The following CALN1 variants were observed in gnomAD, a reference collection of about 807,000 sequenced individuals.
CALN1 encodes calcium-binding protein 8.
In CALN1, 17 loss-of-function variants were observed where a neutral mutation model predicts 30.6. That is an observed-to-expected ratio of 0.56 (90% CI 0.38 to 0.83). CALN1 has a LOEUF of 0.83. CALN1 is among the 40% of genes least tolerant of loss of function. The pLI is 0.00. For missense variants in CALN1, 291 were observed against 354.9 expected (o/e 0.82, Z 1.45); for synonymous variants, 156 against 131.4 (o/e 1.19, Z -1.28).
At chr7:71,963,755 TTATTC>T (rs1422299526) in intron 5 of CALN1, among the ~76,000 whole-genome samples, 1 of 152,194 alleles carries the variant, frequency 6.6e-6, no homozygotes, top group East Asian at 1.9e-4. Flanking sequence ...TTATTAGCAC[TTATTC>T]TATATTTTAA....
At chr7:72,402,099 ATT>A (rs1397840072) in intron 2 of CALN1, among the ~76,000 whole-genome samples, 5 of 152,120 alleles carry the variant, frequency 3.3e-5, no homozygotes, top group African/African-American at 1.2e-4. Flanking sequence ...GCCCTTCAGC[ATT>A]TGTCATTTCC....
At position 72,119,324 on chromosome 7, in the gene CALN1, A is replaced by C. The variant is rs1462301330; in HGVS notation, c.245-13030T>G. Among the ~76,000 whole-genome samples the C allele has an allele frequency of 2.0e-5, 3 of 151,290 alleles. No homozygotes were observed. The East Asian group carries it at 6.0e-4, about 30-fold the overall frequency. On this transcript the variant is annotated intron_variant, in intron 3 of 6. Transcript: ENST00000395275. ...GAGAAGAGAGAGGACTTATGCAGGGAAACTCTCCATTTAAAAACTGTCAGA... is the reference window on the plus strand; with the variant it reads ...GAGAAGAGAGAGGACTTATGCAGGGCAACTCTCCATTTAAAAACTGTCAGA...
At chr7:71,795,010 C>T (rs1297049793) in intron 6 of CALN1, among the ~76,000 whole-genome samples, 1 of 137,452 alleles carries the variant, frequency 7.3e-6, no homozygotes, top group East Asian at 2.2e-4. Flanking sequence ...TCTGATCTTG[C>T]CTATTTTTTT....
intron 2 of CALN1, among the ~76,000 whole-genome samples, chr7:72,294,830 C>G (rs1357811361): frequency 1.3e-5 from 2 of 151,820 alleles, no homozygotes; most frequent in East Asian, 3.8e-4. Context: ...CTATAAGCCT[C>G]TGATAAATTA....
chr7:72,340,521 C>T (rs1004242205), intron 2 of CALN1, among the ~76,000 whole-genome samples: 9 of 152,318 alleles, frequency 5.9e-5, no homozygotes, highest in African/African-American at 2.2e-4. Flanking sequence ...TAAGCATGAG[C>T]TGCCTGATTC....
chr7:72,256,039 T>A (rs918814467), intron 3 of CALN1, among the ~76,000 whole-genome samples: 1 of 152,218 alleles, frequency 6.6e-6, no homozygotes, highest in Non-Finnish European at 1.5e-5. Context: ...AAATAAATAT[T>A]CTTTAAGGAG....
intron 3 of CALN1, among the ~76,000 whole-genome samples, chr7:72,198,928 C>G (rs1364257229): frequency 2.6e-5 from 4 of 152,142 alleles, no homozygotes; most frequent in Non-Finnish European, 5.9e-5. Flanking sequence ...CTCAAAGGCA[C>G]CCTTAAGAAA....
At chr7:72,077,169 C>A (rs1008183927) in intron 4 of CALN1, among the ~76,000 whole-genome samples, 1 of 152,084 alleles carries the variant, frequency 6.6e-6, no homozygotes, top group Non-Finnish European at 1.5e-5. Context: ...GGACTCCATA[C>A]GTATTTGCAA....
upstream of CALN1, among the ~76,000 whole-genome samples, chr7:72,449,097 C>T (rs1808606977): frequency 6.6e-6 from 1 of 152,090 alleles, no homozygotes; most frequent in Non-Finnish European, 1.5e-5. Context: ...ATGCATTTGA[C>T]CCCCTTCCCC....
intron 5 of CALN1, among the ~76,000 whole-genome samples, chr7:71,894,885 C>T (rs1021159390): frequency 2.0e-5 from 3 of 152,162 alleles, no homozygotes; most frequent in Non-Finnish European, 2.9e-5. Context: ...AATGAAGTTT[C>T]CATATTTCTG....
At chr7:71,827,157 G>A (rs1485135233) in intron 5 of CALN1, among the ~76,000 whole-genome samples, 7 of 152,194 alleles carry the variant, frequency 4.6e-5, no homozygotes, top group Admixed American at 3.9e-4. Context: ...TTTCAACTTG[G>A]CGTGTCACTT....
chr7:72,091,013 C>G (rs1434494969), intron 4 of CALN1, among the ~76,000 whole-genome samples: 1 of 152,036 alleles, frequency 6.6e-6, no homozygotes, highest in Non-Finnish European at 1.5e-5. Flanking sequence ...TTCAGGAGCA[C>G]AATAGGGTGA....
At chr7:72,402,073 TCCTTGCTCTG>T (rs1355702565) in intron 2 of CALN1, among the ~76,000 whole-genome samples, 2 of 152,212 alleles carry the variant, frequency 1.3e-5, no homozygotes, top group African/African-American at 4.8e-5. Context: ...TCCTTGCTCT[TCCTTGCTCTG>T]AGCCTGCCCT....
chr7:72,106,601 A>G (rs930357422), intron 3 of CALN1, among the ~76,000 whole-genome samples: 30 of 144,388 alleles, frequency 2.1e-4, no homozygotes, highest in Non-Finnish European at 3.0e-5. Context: ...AGTGGAAGAG[A>G]GGAATGAAGG....
At chr7:72,195,295 G>C (rs1323307018) in intron 3 of CALN1, among the ~76,000 whole-genome samples, 2 of 152,200 alleles carry the variant, frequency 1.3e-5, no homozygotes, top group African/African-American at 4.8e-5. Flanking sequence ...ACAGGTATGG[G>C]CTTCCATTAT....
intron 2 of CALN1, among the ~76,000 whole-genome samples, chr7:72,397,342 G>GACAA (rs909257276): frequency 1.7e-4 from 26 of 152,312 alleles, no homozygotes; most frequent in African/African-American, 6.0e-4. Flanking sequence ...TCTAGAAGAT[G>GACAA]ACAAGATCAA....
At chr7:72,103,768 G>C (rs1022899358) in intron 4 of CALN1, among the ~76,000 whole-genome samples, 4 of 152,068 alleles carry the variant, frequency 2.6e-5, no homozygotes. Flanking sequence ...TGGAGGGGGG[G>C]GGAAGGAGGC....
rs149559071 is a variant in CALN1, at chr7:72,049,415, G to A, written c.389-25646C>T. Among the ~76,000 whole-genome samples the A allele has an allele frequency of 4.6e-5, 7 of 152,280 alleles. No homozygotes were observed. In the East Asian group the frequency reaches 1.2e-3, roughly 25 times the overall value. ...TTTCATGTGCTATCAATCACTAGCA[G>A]ATCAAATAAGCAAATATTAATAACA... On this transcript the variant is annotated intron_variant, in intron 4 of 6. Coordinates refer to ENST00000395275, the MANE Select transcript of CALN1 (RefSeq NM_031468.4).
intron 5 of CALN1, among the ~76,000 whole-genome samples, chr7:72,013,229 T>G (rs1800187187): frequency 6.6e-6 from 1 of 151,176 alleles, no homozygotes; most frequent in African/African-American, 2.4e-5. Context: ...TTGGATAATG[T>G]AATTTTGCTA....
Sources: gnomAD v4.1 joint callset for allele counts (sites outside exome capture counted in the v4.1 genomes callset) on GRCh38, gnomAD v4.1.1 for gene constraint, MANE v1.5 for transcripts, NCBI Gene and HGNC (gene_info 2026-07-23, HGNC 2026-07-21) for gene names.